Variants in HDAC9 observed in about 807,000 individuals in gnomAD.
HDAC9 encodes histone deacetylase 9.
In HDAC9, 41 loss-of-function variants were observed where a neutral mutation model predicts 139.4. The ratio of observed to expected loss-of-function variants is 0.29; its 90% CI spans 0.23 to 0.38. The LOEUF is 0.38. HDAC9 is among the 10% of genes least tolerant of loss of function. The pLI is 1.00. For synonymous variants in HDAC9, 517 were observed against 476.2 expected, an observed-to-expected ratio of 1.09 and a Z score of -1.12; for missense variants, 1,147 against 1,297.0, an observed-to-expected ratio of 0.88 and a Z score of 1.78.
chr7:18,385,477 A>G (rs1445936144), intron 1 of HDAC9, among the ~76,000 whole-genome samples: 2 of 152,188 alleles, frequency 1.3e-5, no homozygotes, highest in African/African-American at 2.4e-5. Context: ...GTATTTTGGA[A>G]AGATACATCA....
chr7:18,903,686 A>G (rs1156425175), intron 22 of HDAC9, among the ~76,000 whole-genome samples: 3 of 152,302 alleles, frequency 2.0e-5, no homozygotes, highest in Non-Finnish European at 4.4e-5. Context: ...TCTTTCTGAC[A>G]AACATTCTCA....
intron 2 of HDAC9, among the ~76,000 whole-genome samples, chr7:18,530,226 C>T (rs965534858): frequency 9.9e-5 from 15 of 152,204 alleles, no homozygotes; most frequent in African/African-American, 3.6e-4. Flanking sequence ...TCATGCCACT[C>T]CTGTTCTGCC....
chr7:18,290,945 T>C (rs1293893678), intron 1 of HDAC9, among the ~76,000 whole-genome samples: 2 of 152,182 alleles, frequency 1.3e-5, no homozygotes, highest in Admixed American at 6.5e-5. Context: ...TGTTTGTTGC[T>C]TTTAACTCCT....
At chr7:18,656,447 C>G (rs1264289200) in intron 11 of HDAC9, among the ~76,000 whole-genome samples, 1 of 152,046 alleles carries the variant, frequency 6.6e-6, no homozygotes, top group Non-Finnish European at 1.5e-5. Flanking sequence ...TCATTATAAT[C>G]AAATATGATT....
chr7:18,477,461 C>T (rs1156828255), intron 1 of HDAC9, among the ~76,000 whole-genome samples: 1 of 151,924 alleles, frequency 6.6e-6, no homozygotes, highest in Non-Finnish European at 1.5e-5. Flanking sequence ...TTTCAGGAAC[C>T]AAAAGACTGC....
At chr7:18,134,505 T>C (rs530710381) in intron 1 of HDAC9, among the ~76,000 whole-genome samples, 1 of 152,258 alleles carries the variant, frequency 6.6e-6, no homozygotes, top group African/African-American at 2.4e-5. Flanking sequence ...CGCATGACTC[T>C]GTTTGAAGCA....
At chr7:18,502,053 A>C (rs543417610) in intron 2 of HDAC9, among the ~76,000 whole-genome samples, 3 of 152,300 alleles carry the variant, frequency 2.0e-5, no homozygotes, top group Admixed American at 6.5e-5. Context: ...TGTGATCCTA[A>C]GATTGGATCC....
chr7:18,818,821 C>G (rs2129197148), intron 17 of HDAC9, among the ~76,000 whole-genome samples: 1 of 152,266 alleles, frequency 6.6e-6, no homozygotes, highest in South Asian at 2.1e-4. Flanking sequence ...CATCCAAATA[C>G]TATTTGGCTA....
At chr7:18,823,596 G>A (rs768925625) in intron 17 of HDAC9, among the ~76,000 whole-genome samples, 1 of 152,154 alleles carries the variant, frequency 6.6e-6, no homozygotes, top group Admixed American at 6.5e-5. Context: ...AATCTCCAGT[G>A]TGACTGTATT....
intron 22 of HDAC9, among the ~76,000 whole-genome samples, chr7:18,915,414 T>A (rs922163498): frequency 1.3e-5 from 2 of 151,584 alleles, no homozygotes; most frequent in African/African-American, 4.8e-5. Flanking sequence ...CGCAACAAAC[T>A]ATTTTTTTTT....
intron 1 of HDAC9, among the ~76,000 whole-genome samples, chr7:18,135,079 A>G (rs188088444): frequency 6.6e-6 from 1 of 152,246 alleles, no homozygotes; most frequent in Non-Finnish European, 1.5e-5. Context: ...ATCATATGTG[A>G]CAGACTGTGA....
chr7:18,683,073 G>T (rs908440416), intron 12 of HDAC9, among the ~76,000 whole-genome samples: 1 of 151,948 alleles, frequency 6.6e-6, no homozygotes, highest in Non-Finnish European at 1.5e-5. Flanking sequence ...CCTTGTTTCT[G>T]CTAGAAAATG....
At chr7:18,972,367 CTCTTTTTTTTTTTTT>C (rs1444677632) in intron 24 of HDAC9, among the ~76,000 whole-genome samples, 1 of 114,812 alleles carries the variant, frequency 8.7e-6, no homozygotes, top group African/African-American at 3.3e-5. Flanking sequence ...CGATGAACTT[CTCTTTTTTTTTTTTT>C]TTTTTTTTTT....
chr7:18,225,463 G>A (rs1250467726), intron 2 of HDAC9, among the ~76,000 whole-genome samples: 1 of 152,010 alleles, frequency 6.6e-6, no homozygotes, highest in Non-Finnish European at 1.5e-5. Context: ...AAATACAAAA[G>A]GAAGCTATTG....
At chr7:18,475,403 G>T (rs1795038301) in intron 1 of HDAC9, among the ~76,000 whole-genome samples, 1 of 152,200 alleles carries the variant, frequency 6.6e-6, no homozygotes, top group African/African-American at 2.4e-5. Flanking sequence ...TTAGAAGCAA[G>T]AATATGGATA....
chr7:18,970,501 C>T (rs1784178202), intron 24 of HDAC9, among the ~76,000 whole-genome samples: 1 of 152,096 alleles, frequency 6.6e-6, no homozygotes, highest in Admixed American at 6.6e-5. Context: ...CCCATTTAGC[C>T]TCAAAATAGC....
At chr7:18,658,655 A>G (rs1467859301) in intron 11 of HDAC9, among the ~76,000 whole-genome samples, 1 of 152,136 alleles carries the variant, frequency 6.6e-6, no homozygotes, top group Non-Finnish European at 1.5e-5. Flanking sequence ...AATACACAGA[A>G]GCAAAATGAC....
At chr7:18,412,131 A>G (rs905973192) in intron 1 of HDAC9, among the ~76,000 whole-genome samples, 6 of 152,016 alleles carry the variant, frequency 3.9e-5, no homozygotes, top group African/African-American at 1.4e-4. Flanking sequence ...CCCAGCCTCA[A>G]CTTGCTGTAT....
intron 1 of HDAC9, among the ~76,000 whole-genome samples, chr7:18,428,612 A>G (rs1464867695): frequency 1.3e-5 from 2 of 152,146 alleles, no homozygotes; most frequent in Non-Finnish European, 2.9e-5. Flanking sequence ...AAACAAACAA[A>G]CAAAAACAAA....
Sources: allele counts gnomAD v4.1 joint callset (sites outside exome capture counted in the v4.1 genomes callset), GRCh38; gene constraint gnomAD v4.1.1; transcripts MANE v1.5; gene names NCBI Gene and HGNC (gene_info 2026-07-23, HGNC 2026-07-21).